The following MEIG1 variants were observed in gnomAD, a reference collection of about 807,000 sequenced individuals.
The protein encoded by MEIG1 is meiosis expressed gene 1 protein homolog.
A neutral mutation model predicts 11.3 loss-of-function variants in MEIG1; 12 were observed. That is an observed-to-expected ratio of 1.07 (90% CI 0.68 to 1.73). The LOEUF (loss-of-function observed/expected upper bound fraction) is 1.73, where lower values mean the gene tolerates loss of function less well. MEIG1 is among the 40% of genes most tolerant of loss of function. The pLI, the probability that MEIG1 is intolerant of heterozygous loss-of-function variation, is 0.00. For synonymous variants in MEIG1, 41 were observed against 33.2 expected (o/e 1.24, Z -0.81); for missense variants, 119 against 104.9 (o/e 1.13, Z -0.59).
intron 1 of MEIG1, among the ~76,000 whole-genome samples, chr10:14,982,881 GTAT>G (rs1333479468): frequency 2.0e-5 from 3 of 151,784 alleles, no homozygotes; most frequent in Admixed American, 2.0e-4. Flanking sequence ...ATGATGCCTG[GTAT>G]TAATAAGTGA....
At chr10:14,971,567 G>A (rs913899732) in intron 2 of MEIG1, among the ~76,000 whole-genome samples, 1 of 151,840 alleles carries the variant, frequency 6.6e-6, no homozygotes, top group Non-Finnish European at 1.5e-5. Context: ...ATTTCAAGGT[G>A]AACTTGAAAT....
At chr10:14,958,820 C>T (rs568320220), upstream of MEIG1, among the ~76,000 whole-genome samples, 14 of 151,936 alleles carry the variant, frequency 9.2e-5, no homozygotes, top group East Asian at 2.7e-3. Context: ...GGCGTGAACC[C>T]GGGAGGCGGA....
intron 1 of MEIG1, among the ~76,000 whole-genome samples, chr10:14,965,675 TGAGAGAGAGAGAGAGA>T (rs749211535): frequency 0.054 from 5,473 of 101,216 alleles, 177 homozygotes; most frequent in Middle Eastern, 0.11. Flanking sequence ...ATTCCCTTTT[TGAGAGAGAGAGAGAGA>T]GAGAGAGAGA....
chr10:14,985,960 C>T (rs1343853583), intron 1 of MEIG1, among the ~76,000 whole-genome samples: 1 of 152,028 alleles, frequency 6.6e-6, no homozygotes, highest in East Asian at 1.9e-4. Context: ...TATTACTCCT[C>T]ATATCACACA....
intron 1 of MEIG1, among the ~76,000 whole-genome samples, chr10:14,985,852 G>A (rs571161316): frequency 4.9e-4 from 75 of 152,138 alleles, no homozygotes; most frequent in African/African-American, 1.8e-3. Flanking sequence ...CCCTGTGATA[G>A]TATTCATAAT....
At chr10:14,983,022 TTAA>T (rs1374410305) in intron 1 of MEIG1, among the ~76,000 whole-genome samples, 8 of 152,120 alleles carry the variant, frequency 5.3e-5, no homozygotes, top group African/African-American at 1.7e-4. Flanking sequence ...GATATTCCTG[TTAA>T]TAATAAATGA....
rs183765703 is a variant in MEIG1, at chr10:14,962,653, G to A, written c.-30+3096G>A. Among the ~76,000 whole-genome samples the A allele has an allele frequency of 9.4e-3, 1,429 of 151,894 alleles. 9 individuals carry two copies. The highest frequency in any genetic ancestry group is 0.048 in the Middle Eastern group (14 of 294). ...AAAAAGTCAAGCCTAAAGCAAAAAG[G>A]GCATAGATAAGACAAAAATTAAGAT... On this transcript the variant is annotated intron_variant, in intron 1 of 2. Coordinates refer to ENST00000407572, the MANE Select transcript of MEIG1 (RefSeq NM_001080836.3).
intron 1 of MEIG1, among the ~76,000 whole-genome samples, chr10:14,963,023 G>C (rs770215710): frequency 6.6e-6 from 1 of 150,430 alleles, no homozygotes; most frequent in Non-Finnish European, 1.5e-5. Context: ...CAGTCTCCCA[G>C]AGTGCTGGGA....
chr10:14,984,262 G>A (rs1009937594), intron 1 of MEIG1, among the ~76,000 whole-genome samples: 1 of 151,598 alleles, frequency 6.6e-6, no homozygotes, highest in African/African-American at 2.4e-5. Flanking sequence ...GGAGAGGGGG[G>A]TGATATTACT....
chr10:14,973,769 CAAAAAAA>C (rs59507280), downstream of MEIG1, among the ~76,000 whole-genome samples: 321 of 90,468 alleles, frequency 3.5e-3, 1 homozygote, highest in Admixed American at 7.5e-3. Flanking sequence ...GACTCCATCT[CAAAAAAA>C]AAAAAAAAAA....
Position 14,966,419 on chromosome 10 carries a change from T to A in MEIG1, c.-29-21T>A, listed in dbSNP as rs1473723177. 4 of 1,528,848 alleles carry A rather than the reference T, an allele frequency of 2.6e-6. No homozygotes were observed. The South Asian group carries it at 4.9e-5, about 19-fold the overall frequency. The allele number at this position is 1,528,848 out of a possible 1,614,324, so 94.7% of individuals were successfully genotyped here. A position where few individuals can be genotyped will look rare whatever the true frequency, so the allele number is the denominator to read the frequency against. On this transcript the variant is annotated intron_variant, in intron 1 of 2. Transcript: ENST00000407572. ...TTGTCACTATTACATTATCCATTAA[T>A]GTTGTTTTAACATCTTTCAGATATT...
chr10:14,975,879 C>T (rs775656713), downstream of MEIG1, among the ~76,000 whole-genome samples: 6 of 152,124 alleles, frequency 3.9e-5, no homozygotes, highest in South Asian at 1.2e-3. Context: ...CAGAAACACT[C>T]CCGTGATATT....
intron 1 of MEIG1, among the ~76,000 whole-genome samples, chr10:14,983,994 TA>T (rs1194723021): frequency 6.6e-6 from 1 of 151,990 alleles, no homozygotes; most frequent in African/African-American, 2.4e-5. Flanking sequence ...GCTGGGGGTA[TA>T]AACACTCCCG....
At chr10:14,981,416 A>G (rs1346207811) in intron 1 of MEIG1, among the ~76,000 whole-genome samples, 1 of 152,166 alleles carries the variant, frequency 6.6e-6, no homozygotes, top group Non-Finnish European at 1.5e-5. Flanking sequence ...GGCATGTACA[A>G]AAACTGATGA....
rs187912718 is a variant in MEIG1, at chr10:14,981,420, C to G, written n.67-5376C>G. 1.4e-3 allele frequency among the ~76,000 whole-genome samples: 213 copies of G among 152,310 alleles called. 1 individual carries two copies. The highest frequency in any genetic ancestry group is 4.8e-3 in the African/African-American group (198 of 41,576). ...AGGGACGGTCTGGCATGTACAAAAA[C>G]TGATGAATGACTTGATGTCCTCCTA... On this transcript the variant is annotated intron_variant and non_coding_transcript_variant, in intron 1 of 2. Coordinates refer to the MEIG1 transcript ENST00000467536.
intron 1 of MEIG1, among the ~76,000 whole-genome samples, chr10:14,981,595 C>T (rs1843265925): frequency 6.6e-6 from 1 of 152,102 alleles, no homozygotes; most frequent in Non-Finnish European, 1.5e-5. Context: ...AATGTCTCTA[C>T]CCCCGACAGT....
At chr10:14,982,882 T>C (rs1843279280) in intron 1 of MEIG1, among the ~76,000 whole-genome samples, 1 of 152,142 alleles carries the variant, frequency 6.6e-6, no homozygotes, top group African/African-American at 2.4e-5. Flanking sequence ...TGATGCCTGG[T>C]ATTAATAAGT....
intron 1 of MEIG1, among the ~76,000 whole-genome samples, chr10:14,965,696 G>T (rs983830970): frequency 1.2e-3 from 110 of 93,756 alleles, no homozygotes; most frequent in Admixed American, 2.0e-3. Context: ...GAGAGAGAGA[G>T]AGAGAGAGAG....
chr10:14,966,066 C>CTTTTTTTTT lies in MEIG1; in HGVS notation c.-29-367_-29-359dup, dbSNP rs10673663. On this transcript the variant is annotated intron_variant, in intron 1 of 2. Coordinates refer to ENST00000407572, the MANE Select transcript of MEIG1 (RefSeq NM_001080836.3). ...TTTTTAAGTGTTAGTTTTATTTATTCTTTTTTTTTTTTTTTGAGATGGAGT... is the reference window on the plus strand; with the variant it reads ...TTTTTAAGTGTTAGTTTTATTTATTCTTTTTTTTTTTTTTTTTTTTTTTTGAGATGGAGT... Among the ~76,000 whole-genome samples, 473 of 118,676 alleles carry CTTTTTTTTT rather than the reference C, an allele frequency of 4.0e-3. 7 individuals carry two copies. Among genetic ancestry groups the CTTTTTTTTT allele is most frequent in the Middle Eastern group, 0.015 (3 of 204 alleles). 77.9% of individuals were successfully genotyped at this position (118,676 alleles called of 152,430 possible).
Sources: allele counts gnomAD v4.1 joint callset (sites outside exome capture counted in the v4.1 genomes callset), GRCh38; gene constraint gnomAD v4.1.1; transcripts MANE v1.5; gene names NCBI Gene and HGNC (gene_info 2026-07-23, HGNC 2026-07-21).